Variants in SCFD1 observed in about 807,000 individuals in gnomAD.
SCFD1 encodes sec1 family domain containing 1.
A neutral mutation model predicts 103.2 loss-of-function variants in SCFD1; 37 were observed. That is an observed-to-expected ratio of 0.36 (90% CI 0.28 to 0.47). SCFD1 has a LOEUF of 0.47. SCFD1 is among the 20% of genes least tolerant of loss of function. The probability of loss-of-function intolerance (pLI) is 1.00; values close to 1 mark genes in which losing one functional copy is unlikely to be tolerated. For missense variants in SCFD1, 639 were observed against 761.2 expected, an observed-to-expected ratio of 0.84 and a Z score of 1.89; for synonymous variants, 264 against 245.0, an observed-to-expected ratio of 1.08 and a Z score of -0.73.
At chr14:30,656,323 C>G (rs1056324914) in intron 10 of SCFD1, among the ~76,000 whole-genome samples, 3 of 152,130 alleles carry the variant, frequency 2.0e-5, no homozygotes, top group Admixed American at 2.0e-4. Context: ...ATGATCCAAA[C>G]AGCGAAGTTA....
chr14:30,622,307 C>T (rs754948346), upstream of SCFD1: 1 of 1,594,078 alleles, frequency 6.3e-7, no homozygotes, highest in Non-Finnish European at 8.5e-7. Context: ...CCGCTCCGCT[C>T]CCCAGCCGGG....
rs550355809 is a variant in SCFD1, at chr14:30,665,899, T to C, written c.856-4357T>C. On this transcript the variant is annotated intron_variant, in intron 10 of 24. Coordinates refer to ENST00000458591, the MANE Select transcript of SCFD1 (RefSeq NM_016106.4). Reference sequence around the variant, plus strand: ...AGCAAAACAAGATTCATAAAACAAATCCCAGATTCACAAAACAAGTCCTTA... The same window carrying C: ...AGCAAAACAAGATTCATAAAACAAACCCCAGATTCACAAAACAAGTCCTTA... Among the ~76,000 whole-genome samples the C allele has an allele frequency of 5.9e-5, 9 of 151,834 alleles. 1 individual carries two copies. In the South Asian group the frequency reaches 1.9e-3, roughly 32 times the overall value.
rs1891432562 is a variant in SCFD1 at position 30,705,853 on chromosome 14, C to T, written c.1521C>T (p.Ala507=). 1.9e-6 allele frequency: 3 copies of T among 1,613,652 alleles called. No homozygotes were observed. Among genetic ancestry groups the T allele is most frequent in the Non-Finnish European group, 2.5e-6 (3 of 1,179,810 alleles). ...KAFTKMASAP[A]SYGSTTTKPM... The stretch of plus-strand genomic sequence containing the variant: ...TTACCAAGATGGCCTCAGCTCCGGC[C>T]AGCTATGGCAGCACTACCACTAAAC... The change falls in exon 18 of 25, where the codon GCC becomes GCT. Residue 507 remains alanine (A), a synonymous_variant. Coordinates refer to ENST00000458591, the MANE Select transcript of SCFD1 (RefSeq NM_016106.4).
Position 30,643,371 on chromosome 14 carries a change from A to G in SCFD1, c.579A>G (p.Ile193Met), listed in dbSNP as rs771482521. 7 of 1,613,534 alleles carry G rather than the reference A, an allele frequency of 4.3e-6. No individual in the cohort carries two copies. The highest frequency in any genetic ancestry group is 5.9e-6 in the Non-Finnish European group (7 of 1,179,622). ...DTEMETVMDT[I>M]VDSLFCFFVT... is the part of the protein sequence containing the mutation. ...AAATGGAAACTGTTATGGACACTAT[A>G]GTTGACAGCCTCTTCTGCTTTTTTG... The change falls in exon 7 of 25, where the codon ATA (isoleucine) becomes ATG (methionine). Residue 193 changes from isoleucine to methionine, a missense_variant. Coordinates refer to ENST00000458591, the MANE Select transcript of SCFD1 (RefSeq NM_016106.4).
intron 6 of SCFD1, among the ~76,000 whole-genome samples, chr14:30,641,949 C>T (rs1161027164): frequency 6.6e-6 from 1 of 152,164 alleles, no homozygotes; most frequent in African/African-American, 2.4e-5. Context: ...TCATCAGACA[C>T]TGGGCCTTGA....
At chr14:30,649,648 C>A in intron 8 of SCFD1, 65 bp downstream of exon 8, 1 of 1,197,402 alleles carries the variant, frequency 8.4e-7, no homozygotes, top group Non-Finnish European at 1.2e-6. Flanking sequence ...CCACAAGTAA[C>A]GCAACTGTTT....
At chr14:30,628,070 T>A in intron 1 of SCFD1, 139 bp from the exon 2 acceptor site, 1 of 584,932 alleles carries the variant, frequency 1.7e-6, no homozygotes, top group East Asian at 3.0e-5. Flanking sequence ...GACCCCTAGT[T>A]CTACACATAT....
At chr14:30,681,989 T>C (rs1332429064) in intron 14 of SCFD1, among the ~76,000 whole-genome samples, 1 of 152,196 alleles carries the variant, frequency 6.6e-6, no homozygotes, top group Admixed American at 6.5e-5. Flanking sequence ...CTTAAACTAA[T>C]AGAATTTTTA....
chr14:30,712,757 A>T (rs1049959801), intron 19 of SCFD1, among the ~76,000 whole-genome samples: 8 of 152,194 alleles, frequency 5.3e-5, no homozygotes, highest in Admixed American at 3.3e-4. Context: ...TGTCTCTCAA[A>T]TCTATATCTA....
intron 4 of SCFD1, among the ~76,000 whole-genome samples, chr14:30,635,618 C>T (rs1240912401): frequency 6.6e-6 from 1 of 152,032 alleles, no homozygotes; most frequent in Non-Finnish European, 1.5e-5. Flanking sequence ...TGAATATATT[C>T]CATTGTATGG....
chr14:30,717,921 A>G (rs1014523363), intron 20 of SCFD1, among the ~76,000 whole-genome samples: 2 of 151,984 alleles, frequency 1.3e-5, no homozygotes, highest in South Asian at 2.1e-4. Context: ...TTTTTCACCT[A>G]TTATCTCACT....
Position 30,713,546 on chromosome 14 carries a change from T to G in SCFD1, c.1630-2378T>G, listed in dbSNP as rs117497472. Among the ~76,000 whole-genome samples, 1,085 of 152,302 alleles carry G rather than the reference T, an allele frequency of 7.1e-3. 4 individuals carry two copies. Among genetic ancestry groups the G allele is most frequent in the Non-Finnish European group, 0.012 (848 of 68,026 alleles). On this transcript the variant is annotated intron_variant, in intron 19 of 24. Coordinates refer to ENST00000458591, the MANE Select transcript of SCFD1 (RefSeq NM_016106.4). ...AGAACTATAAAACACAAAGTAAAAT[T>G]TAATTGTATCCTTAGGAAAATCTCA...
chr14:30,698,837 G>C (rs2139328544), intron 15 of SCFD1, among the ~76,000 whole-genome samples: 1 of 152,262 alleles, frequency 6.6e-6, no homozygotes, highest in South Asian at 2.1e-4. Context: ...ATGAATTCCT[G>C]GGTTCACCCC....
At chr14:30,729,869 ATT>A (rs113239037) in intron 23 of SCFD1, among the ~76,000 whole-genome samples, 11,747 of 146,994 alleles carry the variant, frequency 0.08, 735 homozygotes, top group African/African-American at 0.17. Flanking sequence ...TACGAAAGGC[ATT>A]TTTTTTTTTT....
At chr14:30,637,147 A>T (rs1884807869) in intron 4 of SCFD1, among the ~76,000 whole-genome samples, 1 of 152,028 alleles carries the variant, frequency 6.6e-6, no homozygotes, top group Non-Finnish European at 1.5e-5. Flanking sequence ...TTAGGAAATT[A>T]TGTATTTATA....
chr14:30,719,464 A>G, intron 21 of SCFD1, 87 bp downstream of exon 21: 1 of 889,702 alleles, frequency 1.1e-6, no homozygotes, highest in Non-Finnish European at 1.8e-6. Flanking sequence ...CTGCTTATTA[A>G]AAATCCAAAC....
At position 30,670,294 on chromosome 14, in the gene SCFD1, A is replaced by C; in HGVS notation, c.894A>C (p.Ser298=). 6.3e-7 allele frequency: 1 copy of C among 1,597,332 alleles called. No homozygotes were observed. Among genetic ancestry groups the C allele is most frequent in the South Asian group, 1.1e-5 (1 of 87,460 alleles). The change falls in exon 11 of 25, where the codon TCA becomes TCC. Residue 298 remains serine (S), a synonymous_variant. Coordinates refer to ENST00000458591, the MANE Select transcript of SCFD1 (RefSeq NM_016106.4). ...ACAGGGTTAATTTGGAAGAATCTTCAGGAGTGGAAAACTCTCCAGCTGGTG... is the reference window on the plus strand; with the variant it reads ...ACAGGGTTAATTTGGAAGAATCTTCCGGAGTGGAAAACTCTCCAGCTGGTG... The part of the protein sequence containing the change: ...HLNRVNLEES[S]GVENSPAGAR...
intron 6 of SCFD1, among the ~76,000 whole-genome samples, chr14:30,640,206 A>G (rs188438515): frequency 4.6e-4 from 70 of 152,300 alleles, no homozygotes; most frequent in Admixed American, 1.3e-3. Context: ...TTGGACAAGA[A>G]CAAGTTAGCT....
At chr14:30,708,304 C>G (rs1891617513) in intron 19 of SCFD1, among the ~76,000 whole-genome samples, 1 of 151,982 alleles carries the variant, frequency 6.6e-6, no homozygotes, top group African/African-American at 2.4e-5. Context: ...AGGTATTAAG[C>G]CCAGCATCCA....
Sources: gnomAD v4.1 joint callset for allele counts (sites outside exome capture counted in the v4.1 genomes callset) on GRCh38, gnomAD v4.1.1 for gene constraint, MANE v1.5 for transcripts, NCBI Gene and HGNC (gene_info 2026-07-23, HGNC 2026-07-21) for gene names.